LMNA: variants seen among roughly 807,000 people sequenced by gnomAD.
LMNA encodes the protein lamin.
Under a neutral mutation model 70.4 loss-of-function variants are expected in LMNA, and 20 were observed. The observed-to-expected ratio is 0.28, with a 90% CI of 0.20 to 0.41. LMNA has a LOEUF of 0.41. Ranked by LOEUF, LMNA falls within the 10% of genes least tolerant of loss-of-function variation. The pLI, the probability that LMNA is intolerant of heterozygous loss-of-function variation, is 1.00. For missense variants in LMNA, 652 were observed against 917.2 expected (o/e 0.71, Z 3.73); for synonymous variants, 339 against 372.8 (o/e 0.91, Z 1.04).
chr1:156,109,372 G>A (rs1649455562), upstream of LMNA: 1 of 152,324 alleles, frequency 6.6e-6, no homozygotes, highest in Non-Finnish European at 1.5e-5. Flanking sequence ...TCTCCCTCAG[G>A]CCCCATCCCA....
At chr1:156,092,003 C>T (rs150668563) in intron 3 of LMNA, among the ~76,000 whole-genome samples, 3,212 of 152,036 alleles carry the variant, frequency 0.021, 116 homozygotes, top group African/African-American at 0.074. Context: ...CTGCAACCTC[C>T]GCCTCCTGGG....
In LMNA at chr1:156,135,363, T is replaced by A. The variant is rs751660688; in HGVS notation, c.936+51T>A. 1.7e-4 allele frequency: 219 copies of A among 1,256,448 alleles called. No homozygotes were observed. The highest frequency in any genetic ancestry group is 2.2e-4 in the Non-Finnish European group (202 of 930,050). 77.8% of individuals were successfully genotyped at this position (1,256,448 alleles called of 1,614,324 possible). ...CCAGGGGCCTAGAGTCTGGGCCGGA[T>A]GCAGGCTGGAAGCCCAGGGTTGGGG... On this transcript the variant is annotated intron_variant, in intron 5 of 11. Transcript: ENST00000368300. This position sits in a 1 kb window ranked among gnomAD's most constrained non-coding sequence, Gnocchi z 4.8.
chr1:156,100,312 C>T (rs968168587), intron 3 of LMNA, among the ~76,000 whole-genome samples: 5 of 152,130 alleles, frequency 3.3e-5, no homozygotes, highest in African/African-American at 4.8e-5. Flanking sequence ...AAACTTTTAT[C>T]GAGGTCTAGT....
At position 156,135,228 on chromosome 1, in the gene LMNA, G is replaced by A. The variant is rs1273837882; in HGVS notation, c.852G>A (p.Leu284=). Residue 284 remains leucine (L), a synonymous_variant, in exon 5 of 12, where the codon CTG becomes CTA. Coordinates refer to ENST00000368300, the MANE Select transcript of LMNA (RefSeq NM_170707.4). The surrounding 1 kb of genome is among the most constrained non-coding windows in gnomAD (Gnocchi z 4.8). ...AGTCTGCTGAGAGGAACAGCAACCT[G>A]GTGGGGGCTGCCCACGAGGAGCTGC... is the stretch of plus-strand genomic sequence containing the variant. ...ARQSAERNSN[L]VGAAHEELQQ... 6.2e-7 allele frequency: 1 copy of A among 1,613,894 alleles called. No individual in the cohort carries two copies. The highest frequency in any genetic ancestry group is 2.2e-5 in the East Asian group (1 of 44,886).
At chr1:156,117,053 A>G (rs1649875272) in intron 1 of LMNA, among the ~76,000 whole-genome samples, 1 of 144,482 alleles carries the variant, frequency 6.9e-6, no homozygotes, top group Admixed American at 6.9e-5. Flanking sequence ...AGCTGGGATT[A>G]TAAGTGTGTG....
chr1:156,117,396 G>A (rs541414746), intron 1 of LMNA, among the ~76,000 whole-genome samples: 4 of 147,528 alleles, frequency 2.7e-5, no homozygotes, highest in Non-Finnish European at 4.5e-5. Flanking sequence ...CACCACGCCC[G>A]GCTACTTTTT....
At chr1:156,129,908 G>A (rs768311447) in intron 1 of LMNA, 1 of 764,998 alleles carries the variant, frequency 1.3e-6, no homozygotes, top group Non-Finnish European at 2.4e-6. Context: ...ATGGTAGATG[G>A]GTAGGGCTCA....
chr1:156,121,672 G>A (rs1381073757), intron 1 of LMNA, among the ~76,000 whole-genome samples: 1 of 151,000 alleles, frequency 6.6e-6, no homozygotes, highest in Non-Finnish European at 1.5e-5. Context: ...CCTCCCCCTT[G>A]CTTCCCTCCT....
At chr1:156,085,245 C>T (rs1028570955) in intron 2 of LMNA, among the ~76,000 whole-genome samples, 1 of 152,170 alleles carries the variant, frequency 6.6e-6, no homozygotes, top group Non-Finnish European at 1.5e-5. Flanking sequence ...GCAGAGGAGG[C>T]CCAGGGTGGG....
At chr1:156,110,897 A>G (rs1649514099), upstream of LMNA, among the ~76,000 whole-genome samples, 1 of 152,106 alleles carries the variant, frequency 6.6e-6, no homozygotes, top group South Asian at 2.1e-4. Flanking sequence ...AATCGCTTGA[A>G]CATGGAAGGC....
At position 156,139,852 on chromosome 1, in the gene LMNA, G is replaced by T. The variant is rs752755714; in HGVS notation, c.*746G>T. 8.6e-6 allele frequency: 13 copies of T among 1,509,008 alleles called. No individual in the cohort carries two copies. The South Asian group carries it at 1.6e-4, about 19-fold the overall frequency. 93.5% of individuals were successfully genotyped at this position (1,509,008 alleles called of 1,614,324 possible). ...CTGCCTTCCCTAGCTTTAGACCCTGGGTGGGCTCTGTGCAGTCACTGGAGG... is the reference window on the plus strand; with the variant it reads ...CTGCCTTCCCTAGCTTTAGACCCTGTGTGGGCTCTGTGCAGTCACTGGAGG... On this transcript the variant is annotated 3_prime_UTR_variant, in exon 12 of 12. Transcript: ENST00000368300.
rs770744765 is a variant in LMNA at position 156,134,511 on chromosome 1, A to C, written c.622A>C (p.Lys208Gln). The change falls in exon 3 of 12, where the codon AAG (lysine) becomes CAG (glutamine). Residue 208 changes from lysine (K) to glutamine (Q), a missense_variant. Physicochemically the swap from Lys to Gln is moderately conservative, Grantham distance 53 (BLOSUM62 1). Around this residue, in one of 4 missense-constraint regions of LMNA, gnomAD observed 254 missense variants for 421.9 expected, o/e 0.60. Coordinates refer to ENST00000368300, the MANE Select transcript of LMNA (RefSeq NM_170707.4). The surrounding 1 kb of genome is among the most constrained non-coding windows in gnomAD (Gnocchi z 5.3). ...CATGAAGGAGGAACTGGACTTCCAG[A>C]AGAACATCTACAGTGAGGTGGGGAC... is the stretch of plus-strand genomic sequence containing the variant. ...QTMKEELDFQ[K>Q]NIYSEELRET... The C allele has an allele frequency of 6.2e-7, 1 of 1,614,128 alleles. No homozygotes were observed. Among genetic ancestry groups the C allele is most frequent in the Non-Finnish European group, 8.5e-7 (1 of 1,180,032 alleles).
At position 156,139,703 on chromosome 1, in the gene LMNA, C is replaced by T; in HGVS notation, c.*597C>T. ...CCCCGCCCCCAGTCCCCACCCCTGC[C>T]CCCAGCCCCGGGGTGAGTCCATTCT... On this transcript the variant is annotated 3_prime_UTR_variant, in exon 12 of 12. Coordinates refer to ENST00000368300, the MANE Select transcript of LMNA (RefSeq NM_170707.4). The T allele has an allele frequency of 1.3e-6, 2 of 1,526,274 alleles. No homozygotes were observed. Among genetic ancestry groups the T allele is most frequent in the South Asian group, 2.4e-5 (2 of 83,502 alleles). 94.5% of individuals were successfully genotyped at this position (1,526,274 alleles called of 1,614,324 possible). A position where few individuals can be genotyped will look rare whatever the true frequency, so the allele number is the denominator to read the frequency against.
intron 1 of LMNA, 112 bp from the exon 2 acceptor site, chr1:156,130,504 TG>T: frequency 8.7e-7 from 1 of 1,153,044 alleles, no homozygotes; most frequent in Non-Finnish European, 1.3e-6. Context: ...TGCCCTCTCC[TG>T]GTAATTGCAG....
At chr1:156,101,623 G>GAC (rs1649140909) in intron 3 of LMNA, among the ~76,000 whole-genome samples, 1 of 124,834 alleles carries the variant, frequency 8.0e-6, no homozygotes, top group Non-Finnish European at 1.7e-5. Context: ...AGGAAGGAAG[G>GAC]ACGGAAGGAA....
At position 156,137,711 on chromosome 1, in the gene LMNA, G is replaced by A. The variant is rs1651789099; in HGVS notation, c.1666G>A (p.Glu556Lys). 2 of 1,554,624 alleles carry A rather than the reference G, an allele frequency of 1.3e-6. No homozygotes were observed. The highest frequency in any genetic ancestry group is 1.7e-6 in the Non-Finnish European group (2 of 1,148,810). ...GACTGTGGTTGAGGACGACGAGGATGAGGATGGAGATGACCTGCTCCATCA... is the reference window on the plus strand; with the variant it reads ...GACTGTGGTTGAGGACGACGAGGATAAGGATGGAGATGACCTGCTCCATCA... ...SVTVVEDDED[E>K]DGDDLLHHHH... The change falls in exon 10 of 12, where the codon GAG becomes AAG. Residue 556 changes from glutamate (E) to lysine (K), a missense_variant. Glu to Lys is a moderately conservative substitution (Grantham distance 56). This residue lies in a region of LMNA where 327 missense variants were observed against 387.6 expected (regional missense o/e 0.84). Transcript: ENST00000368300. The surrounding 1 kb of genome is among the most constrained non-coding windows in gnomAD (Gnocchi z 4.6).
At position 156,115,329 on chromosome 1, in the gene LMNA, C is replaced by G. The variant is rs1649753112; in HGVS notation, c.356+55C>G. The G allele has an allele frequency of 4.6e-6, 7 of 1,507,910 alleles. No individual in the cohort carries two copies. Among genetic ancestry groups the G allele is most frequent in the Non-Finnish European group, 5.4e-6 (6 of 1,113,620 alleles). The allele number at this position is 1,507,910 out of a possible 1,614,324, so 93.4% of individuals were successfully genotyped here. A position where few individuals can be genotyped will look rare whatever the true frequency, so the allele number is the denominator to read the frequency against. On this transcript the variant is annotated intron_variant, in intron 1 of 11. Transcript: ENST00000368300. This position sits in a 1 kb window ranked among gnomAD's most constrained non-coding sequence, Gnocchi z 5.8. ...GCGGGGAGTGGAGAGGGCGGCGGGC[C>G]GGCGCCCCTGGCCGGCCGCAGGAAG... is the stretch of plus-strand genomic sequence containing the variant.
chr1:156,088,623 T>C (rs1190877715), intron 2 of LMNA, among the ~76,000 whole-genome samples: 1 of 152,194 alleles, frequency 6.6e-6, no homozygotes, highest in Admixed American at 6.5e-5. Context: ...GGCAACAAAG[T>C]GAGACCTCAT....
chr1:156,100,635 G>A (rs1349623492), intron 3 of LMNA, among the ~76,000 whole-genome samples: 1 of 152,184 alleles, frequency 6.6e-6, no homozygotes, highest in African/African-American at 2.4e-5. Flanking sequence ...GCAGGAGGAA[G>A]GGGAGTTTAG....
Sources: gnomAD v4.1 joint callset for allele counts (sites outside exome capture counted in the v4.1 genomes callset) on GRCh38, gnomAD v4.1.1 for gene constraint, gnomAD v4.1.1 regional missense constraint, Gnocchi (gnomAD v3.1) non-coding constraint, MANE v1.5 for transcripts, NCBI Gene and HGNC (gene_info 2026-07-23, HGNC 2026-07-21) for gene names.